The following CNKSR1 variants were observed in gnomAD, a reference collection of about 807,000 sequenced individuals.
CNKSR1 encodes the protein CNK homolog protein 1.
CNKSR1 carries 88 observed loss-of-function variants against 95.6 expected under a neutral mutation model. The ratio of observed to expected loss-of-function variants is 0.92; its 90% CI spans 0.78 to 1.10. The LOEUF is 1.10. Among genes scored for constraint, CNKSR1 ranks in the 50% least tolerant of loss-of-function variants. The pLI is 0.00. For synonymous variants in CNKSR1, 355 were observed against 369.7 expected, an observed-to-expected ratio of 0.96 and a Z score of 0.46; for missense variants, 836 against 912.0, an observed-to-expected ratio of 0.92 and a Z score of 1.07.
At chr1:26,186,914 C>CT (rs149700663) in intron 14 of CNKSR1, 29,408 of 392,190 alleles carry the variant, frequency 0.075, 5 homozygotes, top group East Asian at 0.099. Context: ...TCAGGCTCCT[C>CT]TTTTTTTTTT....
At chr1:26,185,294 C>G in intron 14 of CNKSR1, 108 bp downstream of exon 14, 2 of 1,201,408 alleles carry the variant, frequency 1.7e-6, no homozygotes, top group Non-Finnish European at 2.4e-6. Context: ...GCTTTGATGT[C>G]CCCATCTGTA....
intron 6 of CNKSR1, 51 bp downstream of exon 6, chr1:26,182,635 T>G: frequency 6.6e-7 from 1 of 1,506,126 alleles, no homozygotes; most frequent in Non-Finnish European, 9.2e-7. Flanking sequence ...CAGCCTTGTC[T>G]GGGCCCTGAA....
chr1:26,184,422 A>C lies in CNKSR1; in HGVS notation c.1022A>C (p.Glu341Ala). Reference sequence around the variant, plus strand: ...ACAGACTCTGCCTCCCTTGGCCCTGAGCCCCTGCCCATCCCCCCGGAACCC... The same window carrying C: ...ACAGACTCTGCCTCCCTTGGCCCTGCGCCCCTGCCCATCCCCCCGGAACCC... Reference protein sequence around the residue: ...AWTDSASLGPEPLPIPPEPPA... With the variant: ...AWTDSASLGPAPLPIPPEPPA... Residue 341 changes from glutamate (E) to alanine (A), a missense_variant, in exon 12 of 21, where the codon GAG becomes GCG. Transcript: ENST00000361530. 1 of 1,613,072 alleles carries C rather than the reference A, an allele frequency of 6.2e-7. No homozygotes were observed. The highest frequency in any genetic ancestry group is 1.1e-5 in the South Asian group (1 of 90,978).
intron 8 of CNKSR1, 43 bp downstream of exon 8, chr1:26,183,457 G>T: frequency 6.3e-7 from 1 of 1,598,868 alleles, no homozygotes; most frequent in South Asian, 1.1e-5. Context: ...AGGGGTCACC[G>T]AGTGGAACCC....
chr1:26,180,848 C>G lies in CNKSR1; in HGVS notation c.344C>G (p.Ala115Gly), dbSNP rs1485181480. The change falls in exon 3 of 21, where the codon GCT becomes GGT. Residue 115 changes from alanine (A) to glycine (G), a missense_variant. Ala to Gly is a moderately conservative substitution (Grantham distance 60). Transcript: ENST00000361530. ...AKTPIDVLCA[A>G]VELLHEADAL... The stretch of plus-strand genomic sequence containing the variant: ...ACCCCTATTGATGTCCTCTGTGCAG[C>G]TGTGGAGCTGTTGCATGAAGCTGAC... The G allele has an allele frequency of 1.2e-6, 2 of 1,614,082 alleles. No individual in the cohort carries two copies. The highest frequency in any genetic ancestry group is 2.7e-5 in the African/African-American group (2 of 74,932).
chr1:26,180,809 G>A lies in CNKSR1; in HGVS notation c.305G>A (p.Gly102Glu), dbSNP rs749500780. The A allele has an allele frequency of 8.1e-6, 13 of 1,614,220 alleles. 1 individual carries two copies. Among genetic ancestry groups the A allele is most frequent in the Non-Finnish European group, 3.4e-6 (4 of 1,180,038 alleles). ...DFQSIVQGCL[G>E]DCAKTPIDVL... ...CAGAGCATAGTCCAAGGCTGCCTGGGGGACTGTGCCAAGACCCCTATTGAT... is the reference window on the plus strand; with the variant it reads ...CAGAGCATAGTCCAAGGCTGCCTGGAGGACTGTGCCAAGACCCCTATTGAT... The change falls in exon 3 of 21, where the codon GGG (glycine) becomes GAG (glutamate). Residue 102 changes from glycine (G) to glutamate (E), a missense_variant. Gly to Glu is a moderately conservative substitution (Grantham distance 98). Coordinates refer to ENST00000361530, the MANE Select transcript of CNKSR1 (RefSeq NM_006314.3).
Position 26,180,818 on chromosome 1 carries a change from C to T in CNKSR1, c.314C>T (p.Ala105Val). Reference protein sequence around the residue: ...SIVQGCLGDCAKTPIDVLCAA... With the variant: ...SIVQGCLGDCVKTPIDVLCAA... ...GTCCAAGGCTGCCTGGGGGACTGTG[C>T]CAAGACCCCTATTGATGTCCTCTGT... The change falls in exon 3 of 21, where the codon GCC becomes GTC. Residue 105 changes from alanine (A) to valine (V), a missense_variant. Ala to Val is a moderately conservative substitution (Grantham distance 64, BLOSUM62 0). Coordinates refer to ENST00000361530, the MANE Select transcript of CNKSR1 (RefSeq NM_006314.3). 1 of 1,614,212 alleles carries T rather than the reference C, an allele frequency of 6.2e-7. No homozygotes were observed. Among genetic ancestry groups the T allele is most frequent in the South Asian group, 1.1e-5 (1 of 91,088 alleles).
intron 1 of CNKSR1, among the ~76,000 whole-genome samples, chr1:26,179,359 A>T (rs1024718598): frequency 6.6e-6 from 1 of 152,190 alleles, no homozygotes; most frequent in Non-Finnish European, 1.5e-5. Context: ...GGAGGAAGTT[A>T]GATGAAAAAG....
In CNKSR1 at chr1:26,188,901, C is replaced by T. The variant is rs973934709; in HGVS notation, c.1820C>T (p.Pro607Leu). 1 of 1,613,972 alleles carries T rather than the reference C, an allele frequency of 6.2e-7. No homozygotes were observed. The highest frequency in any genetic ancestry group is 1.3e-5 in the African/African-American group (1 of 75,042). The change falls in exon 20 of 21, where the codon CCT becomes CTT. Residue 607 changes from proline (P) to leucine (L), a missense_variant. Coordinates refer to ENST00000361530, the MANE Select transcript of CNKSR1 (RefSeq NM_006314.3). ...RSSFMRRNRD[P>L]QLNERVHRVR... Reference sequence around the variant, plus strand: ...TCTTTCATGCGGCGCAACCGAGACCCTCAGCTCAATGAGCGAGTGCACCGT... The same window carrying T: ...TCTTTCATGCGGCGCAACCGAGACCTTCAGCTCAATGAGCGAGTGCACCGT...
Position 26,184,587 on chromosome 1 carries a change from T to G in CNKSR1, c.1110T>G (p.Ser370Arg), listed in dbSNP as rs767002209. 1 of 1,607,564 alleles carries G rather than the reference T, an allele frequency of 6.2e-7. No homozygotes were observed. The highest frequency in any genetic ancestry group is 1.3e-5 in the African/African-American group (1 of 74,926). Reference sequence around the variant, plus strand: ...TCACCCTTCTGCTGTCCTTTCAGAGTCCTGTTGGTCGGAAGAAATCAAAAG... The same window carrying G: ...TCACCCTTCTGCTGTCCTTTCAGAGGCCTGTTGGTCGGAAGAAATCAAAAG... ...TPGLPESPDK[S>R]PVGRKKSKGL... The change falls in exon 13 of 21, where the codon AGT becomes AGG. Residue 370 changes from serine (S) to arginine (R), a missense_variant and splice_region_variant. Transcript: ENST00000361530.
Position 26,180,789 on chromosome 1 carries a change from C to T in CNKSR1, c.285C>T (p.Ser95=). The change falls in exon 3 of 21, where the codon AGC becomes AGT. Residue 95 remains serine, a synonymous_variant. Transcript: ENST00000361530. ...TGGGGGCAACCCATGACTTCCAGAGCATAGTCCAAGGCTGCCTGGGGGACT... is the reference window on the plus strand; with the variant it reads ...TGGGGGCAACCCATGACTTCCAGAGTATAGTCCAAGGCTGCCTGGGGGACT... The part of the protein sequence containing the change: ...GLLGATHDFQ[S]IVQGCLGDCA... The T allele has an allele frequency of 6.2e-7, 1 of 1,614,222 alleles. No individual in the cohort carries two copies. Among genetic ancestry groups the T allele is most frequent in the East Asian group, 2.2e-5 (1 of 44,884 alleles).
chr1:26,183,922 C>T, intron 9 of CNKSR1, 92 bp downstream of exon 9: 2 of 490,178 alleles, frequency 4.1e-6, no homozygotes, highest in East Asian at 8.2e-5. Flanking sequence ...TTCAGACCCC[C>T]CCCAACAGGC....
At chr1:26,186,065 C>T (rs113565903) in intron 14 of CNKSR1, among the ~76,000 whole-genome samples, 2,590 of 152,224 alleles carry the variant, frequency 0.017, 37 homozygotes, top group Non-Finnish European at 0.029. Flanking sequence ...ATGTAGGGAC[C>T]GTGTGCTAAG....
intron 2 of CNKSR1, 47 bp from the exon 3 acceptor site, chr1:26,180,668 G>A: frequency 6.2e-7 from 1 of 1,614,036 alleles, no homozygotes; most frequent in Non-Finnish European, 8.5e-7. Context: ...GGTGTGATGG[G>A]GGGCTGGCTG....
In CNKSR1 at chr1:26,188,817, A is replaced by C. The variant is rs2088808992; in HGVS notation, c.1736A>C (p.Gln579Pro). 1 of 1,612,500 alleles carries C rather than the reference A, an allele frequency of 6.2e-7. No homozygotes were observed. Residue 579 changes from glutamine to proline, a missense_variant, in exon 20 of 21, where the codon CAG becomes CCG. By Grantham distance (76) the Gln-to-Pro change is moderately conservative. Coordinates refer to ENST00000361530, the MANE Select transcript of CNKSR1 (RefSeq NM_006314.3). The stretch of plus-strand genomic sequence containing the variant: ...GAAGGAATGGTACGGGGGCTGAGGC[A>C]GGGTGGCGTGTCCCTCCTAGGCCAG... ...ALEGMVRGLR[Q>P]GGVSLLGQPQ...
At position 26,182,532 on chromosome 1, in the gene CNKSR1, A is replaced by G; in HGVS notation, c.572A>G (p.Glu191Gly). 6.2e-7 allele frequency: 1 copy of G among 1,613,814 alleles called. No homozygotes were observed. Among genetic ancestry groups the G allele is most frequent in the Non-Finnish European group, 8.5e-7 (1 of 1,179,962 alleles). The part of the protein sequence containing the change: ...CHNILVCCPK[E>G]LLEQKAVLEQ... ...AACATCCTGGTCTGCTGCCCCAAGG[A>G]GCTGCTGGAACAGAAGGCCGTGCTC... The change falls in exon 6 of 21, where the codon GAG becomes GGG. Residue 191 changes from glutamate (E) to glycine (G), a missense_variant. Coordinates refer to ENST00000361530, the MANE Select transcript of CNKSR1 (RefSeq NM_006314.3).
At chr1:26,187,279 CAGAA>C in intron 15 of CNKSR1, 38 bp downstream of exon 15, 1 of 1,598,286 alleles carries the variant, frequency 6.3e-7, no homozygotes, top group Non-Finnish European at 8.6e-7. Flanking sequence ...GGGATGGAGA[CAGAA>C]AGGGAGAGGA....
At chr1:26,185,742 C>G (rs2783682) in intron 14 of CNKSR1, among the ~76,000 whole-genome samples, 53,234 of 151,376 alleles carry the variant, frequency 0.35, 10,671 homozygotes, top group East Asian at 0.69. Flanking sequence ...TGTTGCCCAG[C>G]CTTGTCTCAA....
intron 9 of CNKSR1, 104 bp downstream of exon 9, chr1:26,183,934 C>T: frequency 1.9e-6 from 1 of 537,956 alleles, no homozygotes. Flanking sequence ...CCAACAGGCA[C>T]CTTCCCCTGC....
Sources: gnomAD v4.1 joint callset for allele counts (sites outside exome capture counted in the v4.1 genomes callset) on GRCh38, gnomAD v4.1.1 for gene constraint, MANE v1.5 for transcripts, NCBI Gene and HGNC (gene_info 2026-07-23, HGNC 2026-07-21) for gene names.